Variants in MEGF11 observed in about 807,000 individuals in gnomAD.
MEGF11 encodes the protein multiple epidermal growth factor-like domains protein 11.
In MEGF11, 126 loss-of-function variants were observed where a neutral mutation model predicts 146.6. The observed-to-expected ratio is 0.86, with a 90% CI of 0.74 to 1.00. MEGF11 has a LOEUF of 1.00. MEGF11 is among the 50% of genes least tolerant of loss of function. The pLI, the probability that MEGF11 is intolerant of heterozygous loss-of-function variation, is 0.00. For synonymous variants in MEGF11, 532 were observed against 583.4 expected, an observed-to-expected ratio of 0.91 and a Z score of 1.27; for missense variants, 1,509 against 1,521.2, an observed-to-expected ratio of 0.99 and a Z score of 0.13.
At chr15:66,222,370 C>T (rs886284403) in intron 1 of MEGF11, among the ~76,000 whole-genome samples, 2 of 152,146 alleles carry the variant, frequency 1.3e-5, no homozygotes, top group African/African-American at 4.8e-5. Flanking sequence ...GGCCTTTCCT[C>T]AAACCTACTC....
rs766239463 is a variant in MEGF11, at chr15:65,982,276, C to A, written c.607G>T (p.Glu203Ter). The change falls in exon 6 of 26, where the codon GAG (glutamate) becomes TAG (stop). Residue 203 changes from glutamate to a stop codon, truncating the protein, a stop_gained. Coordinates refer to ENST00000395614, the MANE Select transcript of MEGF11 (RefSeq NM_001385028.1). LOFTEE classifies it high-confidence loss of function. This position sits in a 1 kb window ranked among gnomAD's most constrained non-coding sequence, Gnocchi z 5.6. ...HGASCDPRAG[E>*]CLCAPGYTGV... Reference sequence around the variant, plus strand: ...GTGTAGCCAGGTGCGCAGAGGCACTCGCCGGCGCGGGGGTCGCAGCTGGCA... The same window carrying A: ...GTGTAGCCAGGTGCGCAGAGGCACTAGCCGGCGCGGGGGTCGCAGCTGGCA... The A allele has an allele frequency of 3.2e-6, 5 of 1,541,056 alleles. No homozygotes were observed. The South Asian group carries it at 4.8e-5, about 15-fold the overall frequency.
At chr15:66,193,129 G>GAAT (rs768755018) in intron 1 of MEGF11, among the ~76,000 whole-genome samples, 35 of 152,188 alleles carry the variant, frequency 2.3e-4, no homozygotes, top group Non-Finnish European at 3.8e-4. Flanking sequence ...AACCCATGCC[G>GAAT]AATATACCAT....
At chr15:66,045,066 A>G (rs1292829097) in intron 5 of MEGF11, among the ~76,000 whole-genome samples, 2 of 152,176 alleles carry the variant, frequency 1.3e-5, no homozygotes, top group African/African-American at 4.8e-5. Flanking sequence ...TCCTGCTGCT[A>G]TAATAAACAT....
At chr15:65,993,848 G>C (rs763141294) in intron 5 of MEGF11, among the ~76,000 whole-genome samples, 4 of 152,200 alleles carry the variant, frequency 2.6e-5, no homozygotes, top group Admixed American at 1.3e-4. Flanking sequence ...CATGAGGTCT[G>C]GTCTGGAGGA....
chr15:66,011,497 G>C (rs990862889), intron 5 of MEGF11, among the ~76,000 whole-genome samples: 1 of 152,088 alleles, frequency 6.6e-6, no homozygotes, highest in African/African-American at 2.4e-5. Context: ...GAACAACCTC[G>C]GACTTGAGAG....
At chr15:66,127,132 C>A (rs1483450071) in intron 2 of MEGF11, among the ~76,000 whole-genome samples, 1 of 152,238 alleles carries the variant, frequency 6.6e-6, no homozygotes, top group East Asian at 1.9e-4. Flanking sequence ...TGGAAGTAGG[C>A]TCAGAGCCGT....
chr15:66,118,759 G>A (rs1365997406), intron 4 of MEGF11, among the ~76,000 whole-genome samples: 1 of 152,092 alleles, frequency 6.6e-6, no homozygotes, highest in African/African-American at 2.4e-5. Context: ...CCTGTGCCAG[G>A]CACCCAGCAC....
chr15:66,127,595 T>TCAGC (rs1178014114), intron 2 of MEGF11, among the ~76,000 whole-genome samples: 2 of 152,234 alleles, frequency 1.3e-5, no homozygotes, highest in African/African-American at 4.8e-5. Flanking sequence ...GTCATCCTGG[T>TCAGC]CAGCATGGCC....
chr15:65,955,769 T>TATATATATAG lies in MEGF11; in HGVS notation c.1287+1777_1287+1778insCTATATATAT, dbSNP rs1567174931. Among the ~76,000 whole-genome samples, 11 of 5,600 alleles carry TATATATATAG rather than the reference T, an allele frequency of 2.0e-3. 2 individuals carry two copies. The highest frequency in any genetic ancestry group is 5.7e-3 in the Admixed American group (1 of 174). 3.7% of individuals were successfully genotyped at this position (5,600 alleles called of 152,430 possible). A position where few individuals can be genotyped will look rare whatever the true frequency, so the allele number is the denominator to read the frequency against. On this transcript the variant is annotated intron_variant, in intron 10 of 25. Transcript: ENST00000395614. ...AAAAAAAAAAAAAAAAAAATATATA[T>TATATATATAG]ATATATATATATATATATATATATA...
chr15:65,974,630 G>C (rs556030568), intron 7 of MEGF11, among the ~76,000 whole-genome samples: 1 of 152,142 alleles, frequency 6.6e-6, no homozygotes, highest in Non-Finnish European at 1.5e-5. Context: ...ACTCCAGCCT[G>C]GGCAACACAG....
chr15:66,171,017 T>C (rs2090238320), intron 1 of MEGF11, among the ~76,000 whole-genome samples: 1 of 152,260 alleles, frequency 6.6e-6, no homozygotes, highest in African/African-American at 2.4e-5. Context: ...CTTCCCACCC[T>C]GCCTCCCTCC....
intron 5 of MEGF11, among the ~76,000 whole-genome samples, chr15:66,037,950 T>C (rs1004383804): frequency 2.6e-5 from 4 of 152,210 alleles, no homozygotes; most frequent in African/African-American, 7.2e-5. Context: ...GAGGTTTGAA[T>C]AATTAACAGG....
chr15:65,938,835 T>C (rs2079878579), intron 10 of MEGF11, among the ~76,000 whole-genome samples: 1 of 152,142 alleles, frequency 6.6e-6, no homozygotes, highest in Admixed American at 6.5e-5. Flanking sequence ...CAGACCCCGG[T>C]GGGTAATGAG....
At position 66,146,449 on chromosome 15, in the gene MEGF11, A is replaced by G. The variant is rs957524843; in HGVS notation, c.-8-18038T>C. ...ACTGAAGTTCCCAGGAGAGATGGAG[A>G]TAAACCAAAGGCCACCGTTTGGATG... is the stretch of plus-strand genomic sequence containing the variant. On this transcript the variant is annotated intron_variant, in intron 1 of 25. Transcript: ENST00000395614. Among the ~76,000 whole-genome samples, 8 of 151,492 alleles carry G rather than the reference A, an allele frequency of 5.3e-5. 1 individual carries two copies. Among genetic ancestry groups the G allele is most frequent in the Admixed American group, 5.2e-4 (8 of 15,242 alleles).
At chr15:66,083,014 C>T (rs970256044) in intron 5 of MEGF11, among the ~76,000 whole-genome samples, 2 of 152,150 alleles carry the variant, frequency 1.3e-5, no homozygotes, top group Admixed American at 6.5e-5. Context: ...CCCCCTATGT[C>T]CTGGGCTACC....
At chr15:66,020,660 G>T (rs2083078765) in intron 5 of MEGF11, among the ~76,000 whole-genome samples, 1 of 152,150 alleles carries the variant, frequency 6.6e-6, no homozygotes, top group Non-Finnish European at 1.5e-5. Context: ...CTTCCTGCTG[G>T]CTGGTCCCAA....
intron 1 of MEGF11, among the ~76,000 whole-genome samples, chr15:66,202,885 G>A (rs928318153): frequency 2.0e-5 from 3 of 152,188 alleles, no homozygotes; most frequent in Admixed American, 1.3e-4. Context: ...AGGAAAAGAC[G>A]CCACTTATTT....
intron 1 of MEGF11, among the ~76,000 whole-genome samples, chr15:66,220,928 A>G (rs2091720563): frequency 6.6e-6 from 1 of 152,118 alleles, no homozygotes; most frequent in South Asian, 2.1e-4. Context: ...AGGAATATAC[A>G]CTTCCCCCAA....
Position 66,128,390 on chromosome 15 carries a change from A to G in MEGF11, c.14T>C (p.Leu5Pro). MVLSLTGLIAFSFLQ... is the reference protein window; with the variant it reads MVLSPTGLIAFSFLQ... ...GAAGGAGAAGGCAATGAGCCCCGTC[A>G]GGGAGAGCACCATCCCGGGCCCTGC... The change falls in exon 2 of 26, where the codon CTG becomes CCG. Residue 5 changes from leucine to proline, a missense_variant. Physicochemically the swap from Leu to Pro is moderately conservative, Grantham distance 98. Coordinates refer to ENST00000395614, the MANE Select transcript of MEGF11 (RefSeq NM_001385028.1). 6.6e-7 allele frequency: 1 copy of G among 1,517,112 alleles called. No homozygotes were observed. The highest frequency in any genetic ancestry group is 8.8e-7 in the Non-Finnish European group (1 of 1,130,750). The allele number at this position is 1,517,112 out of a possible 1,614,324, so 94.0% of individuals were successfully genotyped here. A position where few individuals can be genotyped will look rare whatever the true frequency, so the allele number is the denominator to read the frequency against.
Sources: allele counts gnomAD v4.1 joint callset (sites outside exome capture counted in the v4.1 genomes callset), GRCh38; gene constraint gnomAD v4.1.1; non-coding constraint Gnocchi (gnomAD v3.1); transcripts MANE v1.5; gene names NCBI Gene and HGNC (gene_info 2026-07-23, HGNC 2026-07-21).